The following CMSS1 variants were observed in gnomAD, a reference collection of about 807,000 sequenced individuals.
CMSS1 encodes the protein cms1 ribosomal small subunit homolog, also known as protein CMSS1.
CMSS1 carries 33 observed loss-of-function variants against 43.5 expected under a neutral mutation model. That is an observed-to-expected ratio of 0.76 (90% CI 0.57 to 1.01). The LOEUF (loss-of-function observed/expected upper bound fraction) is 1.01. CMSS1 is among the 50% of genes least tolerant of loss of function. CMSS1 has a pLI of 0.00. For synonymous variants in CMSS1, 115 were observed against 117.2 expected (o/e 0.98, Z 0.12); for missense variants, 313 against 326.4 (o/e 0.96, Z 0.32).
At chr3:100,038,395 A>G (rs2065146076) in intron 1 of CMSS1, among the ~76,000 whole-genome samples, 1 of 152,254 alleles carries the variant, frequency 6.6e-6, no homozygotes, top group African/African-American at 2.4e-5. Flanking sequence ...TGAATTATCC[A>G]AAAGCTGATT....
intron 1 of CMSS1, among the ~76,000 whole-genome samples, chr3:100,116,602 A>G (rs972006626): frequency 4.6e-5 from 7 of 152,326 alleles, no homozygotes; most frequent in African/African-American, 1.7e-4. Context: ...CTTTCAGGTA[A>G]TAGGCTAGGA....
intron 1 of CMSS1, among the ~76,000 whole-genome samples, chr3:100,008,069 A>G (rs1710039557): frequency 6.6e-6 from 1 of 152,132 alleles, no homozygotes; most frequent in Non-Finnish European, 1.5e-5. Flanking sequence ...TTGACATAAC[A>G]TTTTCCACCT....
intron 2 of CMSS1, among the ~76,000 whole-genome samples, chr3:100,155,917 G>A (rs2107522723): frequency 6.6e-6 from 1 of 152,074 alleles, no homozygotes; most frequent in Non-Finnish European, 1.5e-5. Context: ...TTTTGAAGGG[G>A]AAAATTTTAG....
chr3:99,883,272 C>T (rs1705787732), intron 1 of CMSS1, among the ~76,000 whole-genome samples: 1 of 152,206 alleles, frequency 6.6e-6, no homozygotes, highest in Non-Finnish European at 1.5e-5. Flanking sequence ...CTGCTTCTAA[C>T]TTCCACTCAT....
chr3:99,981,057 G>A (rs146738001), intron 1 of CMSS1, among the ~76,000 whole-genome samples: 7 of 152,270 alleles, frequency 4.6e-5, no homozygotes, highest in African/African-American at 1.7e-4. Context: ...TGAGGGAAGA[G>A]GCAAAGGTTT....
chr3:99,952,095 A>G (rs953979872), intron 1 of CMSS1, among the ~76,000 whole-genome samples: 1 of 152,140 alleles, frequency 6.6e-6, no homozygotes, highest in Non-Finnish European at 1.5e-5. Flanking sequence ...GTTAAAGAGA[A>G]TATATAGATT....
chr3:99,862,120 A>G (rs1437251829), intron 1 of CMSS1, among the ~76,000 whole-genome samples: 2 of 152,230 alleles, frequency 1.3e-5, no homozygotes, highest in East Asian at 3.8e-4. Flanking sequence ...TAAGGTAACA[A>G]ATACGCTAAT....
intron 1 of CMSS1, among the ~76,000 whole-genome samples, chr3:99,984,002 TC>T (rs2107738449): frequency 6.6e-6 from 1 of 150,812 alleles, no homozygotes; most frequent in East Asian, 2.0e-4. Flanking sequence ...TATTGGTTAA[TC>T]TCCTAACTTC....
intron 1 of CMSS1, among the ~76,000 whole-genome samples, chr3:100,020,668 T>A (rs1409011957): frequency 6.6e-6 from 1 of 152,140 alleles, no homozygotes; most frequent in Non-Finnish European, 1.5e-5. Flanking sequence ...AAGTGTTTAT[T>A]TTTAGTGATT....
intron 1 of CMSS1, among the ~76,000 whole-genome samples, chr3:99,879,106 C>T (rs1011144486): frequency 2.0e-5 from 3 of 152,228 alleles, no homozygotes; most frequent in Admixed American, 6.5e-5. Flanking sequence ...CATACCTAGA[C>T]ACCAAGGTCC....
intron 1 of CMSS1, chr3:100,040,264 T>C (rs1156826112): frequency 6.6e-6 from 1 of 152,210 alleles, no homozygotes; most frequent in East Asian, 1.9e-4. Flanking sequence ...CTTATTTGCA[T>C]ATTTCATTTG....
chr3:100,130,520 G>A (rs2066697816), intron 1 of CMSS1, among the ~76,000 whole-genome samples: 1 of 152,168 alleles, frequency 6.6e-6, no homozygotes, highest in Non-Finnish European at 1.5e-5. Context: ...AGGATGAAAG[G>A]ACACATTGCC....
intron 1 of CMSS1, among the ~76,000 whole-genome samples, chr3:99,956,290 T>C (rs1163862373): frequency 2.0e-5 from 3 of 152,180 alleles, no homozygotes; most frequent in Non-Finnish European, 2.9e-5. Context: ...TCTTTACACA[T>C]GTTCTCCTTT....
intron 1 of CMSS1, among the ~76,000 whole-genome samples, chr3:99,934,736 T>TA (rs1707604391): frequency 6.6e-6 from 1 of 152,204 alleles, no homozygotes; most frequent in Non-Finnish European, 1.5e-5. Context: ...ACCTCACTCT[T>TA]AAAGTGGGTT....
chr3:99,934,898 G>A (rs1462846332), intron 1 of CMSS1, among the ~76,000 whole-genome samples: 1 of 152,190 alleles, frequency 6.6e-6, no homozygotes, highest in African/African-American at 2.4e-5. Flanking sequence ...CTCTTTGGAG[G>A]CTGGGGATAG....
At chr3:99,906,708 T>C (rs1318553660) in intron 1 of CMSS1, among the ~76,000 whole-genome samples, 1 of 152,214 alleles carries the variant, frequency 6.6e-6, no homozygotes, top group African/African-American at 2.4e-5. Context: ...TTCCTGGGTA[T>C]ATGGCTGCCC....
intron 1 of CMSS1, among the ~76,000 whole-genome samples, chr3:99,821,065 A>G (rs1188339856): frequency 1.3e-5 from 2 of 152,142 alleles, no homozygotes; most frequent in East Asian, 3.9e-4. Flanking sequence ...TAATGTGCCT[A>G]TCTGTTTGTT....
intron 1 of CMSS1, among the ~76,000 whole-genome samples, chr3:99,934,347 A>G (rs1300772367): frequency 2.0e-5 from 3 of 152,252 alleles, no homozygotes; most frequent in Non-Finnish European, 4.4e-5. Flanking sequence ...AAATCTAATA[A>G]AAGTCTAGTT....
intron 1 of CMSS1, among the ~76,000 whole-genome samples, chr3:99,930,264 T>A (rs1707435499): frequency 6.6e-6 from 1 of 152,354 alleles, no homozygotes; most frequent in African/African-American, 2.4e-5. Context: ...AGGACTACTT[T>A]TTTTATTATG....
Sources: allele counts gnomAD v4.1 joint callset (sites outside exome capture counted in the v4.1 genomes callset), GRCh38; gene constraint gnomAD v4.1.1; transcripts MANE v1.5; gene names NCBI Gene and HGNC (gene_info 2026-07-23, HGNC 2026-07-21).